TMOD3: variants seen among roughly 807,000 people sequenced by gnomAD.
TMOD3 encodes the protein tropomodulin-3.
A neutral mutation model predicts 39.2 loss-of-function variants in TMOD3; 20 were observed. That is an observed-to-expected ratio of 0.51 (90% CI 0.36 to 0.74). The LOEUF (loss-of-function observed/expected upper bound fraction) is 0.74. Among genes scored for constraint, TMOD3 ranks in the 30% least tolerant of loss-of-function variants. The pLI, the probability that TMOD3 is intolerant of heterozygous loss-of-function variation, is 0.00. For synonymous variants in TMOD3, 143 were observed against 145.8 expected, an observed-to-expected ratio of 0.98 and a Z score of 0.14; for missense variants, 381 against 412.8, an observed-to-expected ratio of 0.92 and a Z score of 0.67.
intron 7 of TMOD3, among the ~76,000 whole-genome samples, chr15:51,897,736 A>G (rs1222433549): frequency 4.4e-5 from 6 of 135,334 alleles, no homozygotes; most frequent in Admixed American, 8.4e-5. Flanking sequence ...GCCCACCTCA[A>G]CCTCCCAAAG....
chr15:51,857,681 T>G (rs1447715740), intron 1 of TMOD3, among the ~76,000 whole-genome samples: 1 of 152,138 alleles, frequency 6.6e-6, no homozygotes, highest in African/African-American at 2.4e-5. Context: ...AAATATTCAT[T>G]GAGAAAATTG....
chr15:51,835,778 C>G (rs76398963), intron 1 of TMOD3, among the ~76,000 whole-genome samples: 4,978 of 152,242 alleles, frequency 0.033, 122 homozygotes, highest in Non-Finnish European at 0.05. Context: ...CCTCATTATT[C>G]TTATGTAGCT....
chr15:51,830,708 A>T (rs1197486838), intron 1 of TMOD3, among the ~76,000 whole-genome samples: 1 of 152,120 alleles, frequency 6.6e-6, no homozygotes, highest in Non-Finnish European at 1.5e-5. Flanking sequence ...TAACATTTTC[A>T]TGCAGCTCAT....
At chr15:51,904,173 A>G (rs190600437) in intron 9 of TMOD3, among the ~76,000 whole-genome samples, 124 of 152,326 alleles carry the variant, frequency 8.1e-4, no homozygotes, top group Non-Finnish European at 1.4e-3. Flanking sequence ...TGAGTTCATC[A>G]TTGTTATACA....
intron 3 of TMOD3, among the ~76,000 whole-genome samples, chr15:51,881,643 C>T (rs1021707663): frequency 1.5e-5 from 2 of 136,398 alleles, no homozygotes; most frequent in African/African-American, 2.8e-5. Context: ...CTCACTGCAA[C>T]CTCCGCCTCC....
intron 3 of TMOD3, among the ~76,000 whole-genome samples, chr15:51,875,607 C>G (rs1312453136): frequency 7.3e-6 from 1 of 136,902 alleles, no homozygotes; most frequent in Non-Finnish European, 1.6e-5. Context: ...CCGTAAAGTA[C>G]TGCCTTTTTT....
chr15:51,894,073 G>GCTAA lies in TMOD3; in HGVS notation c.627+130_627+133dup, dbSNP rs1172797662. On this transcript the variant is annotated intron_variant, in intron 6 of 9. Transcript: ENST00000308580. ...GTAAAGTTTTTGCTCTTACCAGTATGCTAACATAGGTTTCTTCATATTTTA... is the reference window on the plus strand; with the variant it reads ...GTAAAGTTTTTGCTCTTACCAGTATGCTAACTAACATAGGTTTCTTCATATTTTA... 12 of 691,248 alleles carry GCTAA rather than the reference G, an allele frequency of 1.7e-5. No homozygotes were observed. The East Asian group carries it at 3.7e-4, about 21-fold the overall frequency. The allele number at this position is 691,248 out of a possible 1,614,324, so 42.8% of individuals were successfully genotyped here. A position where few individuals can be genotyped will look rare whatever the true frequency, so the allele number is the denominator to read the frequency against.
chr15:51,872,596 A>ATTT (rs1452368886), intron 3 of TMOD3, among the ~76,000 whole-genome samples: 36 of 107,432 alleles, frequency 3.4e-4, no homozygotes, highest in African/African-American at 1.1e-3. Flanking sequence ...TGAGGACCAA[A>ATTT]TTTGTTTTTT....
In TMOD3 at chr15:51,869,329, A is replaced by G. The variant is rs751825069; in HGVS notation, c.239A>G (p.His80Arg). The change falls in exon 3 of 10, where the codon CAT becomes CGT. Residue 80 changes from histidine (H) to arginine (R), a missense_variant. Coordinates refer to ENST00000308580, the MANE Select transcript of TMOD3 (RefSeq NM_014547.5). Reference sequence around the variant, plus strand: ...TATCTGGAGAAAGAAGCATTGGAGCATAAAGACAGGGAAGACTATGTGCCC... The same window carrying G: ...TATCTGGAGAAAGAAGCATTGGAGCGTAAAGACAGGGAAGACTATGTGCCC... ...LSYLEKEALE[H>R]KDREDYVPYT... 1.2e-6 allele frequency: 2 copies of G among 1,614,196 alleles called. No homozygotes were observed.
intron 1 of TMOD3, among the ~76,000 whole-genome samples, chr15:51,837,280 C>T (rs2056290880): frequency 1.3e-5 from 2 of 151,980 alleles, no homozygotes; most frequent in African/African-American, 4.8e-5. Flanking sequence ...CAGAAGAAGC[C>T]CCTCAAATGT....
At chr15:51,830,786 C>G (rs1166389482) in intron 1 of TMOD3, among the ~76,000 whole-genome samples, 2 of 152,074 alleles carry the variant, frequency 1.3e-5, no homozygotes, top group African/African-American at 4.8e-5. Flanking sequence ...TTAATTGGCC[C>G]GTCAAAAATA....
At chr15:51,851,991 C>T (rs553111485) in intron 1 of TMOD3, among the ~76,000 whole-genome samples, 25 of 152,306 alleles carry the variant, frequency 1.6e-4, no homozygotes, top group African/African-American at 6.0e-4. Flanking sequence ...TCCTGATCCT[C>T]CCCACCTCCT....
chr15:51,883,307 A>T lies in TMOD3; in HGVS notation c.284-4282A>T, dbSNP rs954599645. Among the ~76,000 whole-genome samples, 8 of 152,224 alleles carry T rather than the reference A, an allele frequency of 5.3e-5. No individual in the cohort carries two copies. In the South Asian group the frequency reaches 8.3e-4, roughly 16 times the overall value. Reference sequence around the variant, plus strand: ...TTTGTAAGCATTAGCAAAAATTTATATATGGGGGGAAATTAGGTACGAATA... The same window carrying T: ...TTTGTAAGCATTAGCAAAAATTTATTTATGGGGGGAAATTAGGTACGAATA... On this transcript the variant is annotated intron_variant, in intron 3 of 9. Transcript: ENST00000308580.
chr15:51,861,805 A>T (rs2056420575), intron 1 of TMOD3, among the ~76,000 whole-genome samples: 1 of 151,860 alleles, frequency 6.6e-6, no homozygotes, highest in Admixed American at 6.6e-5. Context: ...CCGCAGGTGT[A>T]TACCACCACA....
chr15:51,881,550 CTTTTTTTTTTTTTTTTT>C (rs753814979), intron 3 of TMOD3, among the ~76,000 whole-genome samples: 3 of 61,828 alleles, frequency 4.9e-5, no homozygotes, highest in East Asian at 1.3e-3. Context: ...TTCTTTATTT[CTTTTTTTTTTTTTTTTT>C]TTTTTTTTTT....
chr15:51,896,393 G>A (rs1320446782), intron 6 of TMOD3, 26 bp from the exon 7 acceptor site: 27 of 1,451,916 alleles, frequency 1.9e-5, no homozygotes, highest in Non-Finnish European at 2.6e-5. Context: ...GAAATGTAAT[G>A]ATGTTTTATG....
intron 3 of TMOD3, among the ~76,000 whole-genome samples, chr15:51,870,119 A>G (rs1053404001): frequency 1.3e-5 from 2 of 152,062 alleles, no homozygotes; most frequent in Non-Finnish European, 2.9e-5. Context: ...TTGTATTTTT[A>G]GTAGAGATGG....
At chr15:51,841,293 G>A (rs776288804) in intron 1 of TMOD3, among the ~76,000 whole-genome samples, 1 of 152,126 alleles carries the variant, frequency 6.6e-6, no homozygotes, top group Non-Finnish European at 1.5e-5. Flanking sequence ...GTTTTCCTAT[G>A]ATGTAATTAA....
chr15:51,866,241 G>C (rs1252398067), intron 2 of TMOD3, among the ~76,000 whole-genome samples: 1 of 152,116 alleles, frequency 6.6e-6, no homozygotes, highest in Non-Finnish European at 1.5e-5. Context: ...ATTTGCTTAA[G>C]AGCAGGAGTT....
Sources: gnomAD v4.1 joint callset for allele counts (sites outside exome capture counted in the v4.1 genomes callset) on GRCh38, gnomAD v4.1.1 for gene constraint, MANE v1.5 for transcripts, NCBI Gene and HGNC (gene_info 2026-07-23, HGNC 2026-07-21) for gene names.